Variants in GDAP2 observed in about 807,000 individuals in gnomAD.
The protein encoded by GDAP2 is ganglioside-induced differentiation-associated protein 2.
In GDAP2, 51 loss-of-function variants were observed where a neutral mutation model predicts 67.0. That is an observed-to-expected ratio of 0.76 (90% CI 0.61 to 0.96). The LOEUF (loss-of-function observed/expected upper bound fraction) is 0.96, where lower values mean the gene tolerates loss of function less well. Ranked by LOEUF, GDAP2 falls within the 40% of genes least tolerant of loss-of-function variation. GDAP2 has a pLI of 0.00. For missense variants in GDAP2, 547 were observed against 588.3 expected (o/e 0.93, Z 0.73); for synonymous variants, 203 against 207.3 (o/e 0.98, Z 0.18).
chr1:117,903,904 T>C (rs1177879276), intron 6 of GDAP2, among the ~76,000 whole-genome samples: 1 of 152,158 alleles, frequency 6.6e-6, no homozygotes, highest in Non-Finnish European at 1.5e-5. Flanking sequence ...CTGTATAAGG[T>C]AAAATCTCAG....
chr1:117,908,444 T>C (rs1649734140), intron 5 of GDAP2, among the ~76,000 whole-genome samples: 1 of 152,154 alleles, frequency 6.6e-6, no homozygotes, highest in Admixed American at 6.5e-5. Context: ...CAAACACTCA[T>C]AACTCTCCTC....
At chr1:117,895,053 A>C (rs111532904) in intron 8 of GDAP2, among the ~76,000 whole-genome samples, 1 of 152,286 alleles carries the variant, frequency 6.6e-6, no homozygotes, top group African/African-American at 2.4e-5. Context: ...TCATGTTATA[A>C]AGTCATGCTA....
chr1:117,870,060 C>T lies in GDAP2; in HGVS notation c.*509G>A, dbSNP rs942878555. On this transcript the variant is annotated 3_prime_UTR_variant, in exon 14 of 14. Transcript: ENST00000369443. Reference sequence around the variant, plus strand: ...TTTTTGTCAGATACATTTCCACATTCTTGGACTCAGGTAATTCTCTTTTAA... The same window carrying T: ...TTTTTGTCAGATACATTTCCACATTTTTGGACTCAGGTAATTCTCTTTTAA... 10 of 152,616 alleles carry T rather than the reference C, an allele frequency of 6.6e-5. 1 individual carries two copies. The highest frequency in any genetic ancestry group is 2.4e-4 in the African/African-American group (10 of 41,458). 9.5% of individuals were successfully genotyped at this position (152,616 alleles called of 1,614,324 possible). A position where few individuals can be genotyped will look rare whatever the true frequency, so the allele number is the denominator to read the frequency against.
At chr1:117,894,282 C>G (rs1296788207) in intron 8 of GDAP2, among the ~76,000 whole-genome samples, 7 of 152,102 alleles carry the variant, frequency 4.6e-5, no homozygotes, top group Non-Finnish European at 8.8e-5. Flanking sequence ...CATGAGCCAC[C>G]ATGTCTGGCC....
intron 13 of GDAP2, among the ~76,000 whole-genome samples, chr1:117,872,457 T>TA (rs1485948561): frequency 3.3e-5 from 5 of 152,106 alleles, no homozygotes; most frequent in Admixed American, 3.3e-4. Context: ...CCATCAATGA[T>TA]AGACTAGATA....
intron 13 of GDAP2, among the ~76,000 whole-genome samples, chr1:117,876,221 G>A (rs1199203518): frequency 6.6e-6 from 1 of 152,064 alleles, no homozygotes; most frequent in Non-Finnish European, 1.5e-5. Context: ...GTAAGTCCTT[G>A]CTCTATTAGT....
chr1:117,914,133 A>G (rs1649963621), intron 3 of GDAP2, among the ~76,000 whole-genome samples: 1 of 152,210 alleles, frequency 6.6e-6, no homozygotes, highest in African/African-American at 2.4e-5. Flanking sequence ...TGAACTTTTC[A>G]GTTCTTCCAT....
intron 13 of GDAP2, among the ~76,000 whole-genome samples, chr1:117,872,313 C>A (rs111937226): frequency 1.3e-5 from 2 of 152,096 alleles, no homozygotes; most frequent in African/African-American, 4.8e-5. Context: ...CCACAAATAC[C>A]ATTTGACCCA....
At chr1:117,892,857 T>C (rs1450870066) in intron 8 of GDAP2, among the ~76,000 whole-genome samples, 1 of 152,206 alleles carries the variant, frequency 6.6e-6, no homozygotes, top group Non-Finnish European at 1.5e-5. Context: ...GGGAAAATTC[T>C]GTCTTTGGAA....
intron 8 of GDAP2, among the ~76,000 whole-genome samples, chr1:117,895,877 C>T (rs754122227): frequency 1.3e-5 from 2 of 152,038 alleles, no homozygotes; most frequent in African/African-American, 2.4e-5. Flanking sequence ...TACAATACAG[C>T]GTGAAAAATG....
chr1:117,916,384 C>A (rs571936913), intron 3 of GDAP2, among the ~76,000 whole-genome samples: 1 of 152,210 alleles, frequency 6.6e-6, no homozygotes, highest in South Asian at 2.1e-4. Flanking sequence ...ATGGGATAAG[C>A]CTGGAGAAAA....
At chr1:117,896,461 A>T (rs1478880447) in intron 8 of GDAP2, among the ~76,000 whole-genome samples, 4 of 152,222 alleles carry the variant, frequency 2.6e-5, no homozygotes, top group Non-Finnish European at 5.9e-5. Flanking sequence ...ATTCAACTGT[A>T]GATTATGCTT....
At position 117,898,237 on chromosome 1, in the gene GDAP2, A is replaced by G. The variant is rs569131014; in HGVS notation, c.796+820T>C. 2.0e-5 allele frequency among the ~76,000 whole-genome samples: 3 copies of G among 152,318 alleles called. No individual in the cohort carries two copies. The South Asian group carries it at 6.2e-4, about 32-fold the overall frequency. On this transcript the variant is annotated intron_variant, in intron 7 of 13. Coordinates refer to ENST00000369443, the MANE Select transcript of GDAP2 (RefSeq NM_017686.4). The stretch of plus-strand genomic sequence containing the variant: ...TGAGGATTTCAAAACAACTCTTTGC[A>G]TTATTTCAAGGATATACTATACTGG...
At position 117,867,275 on chromosome 1, in the gene GDAP2, G is replaced by T. The variant is rs1435280774; in HGVS notation, c.*3294C>A. ...GACTATACTTATCCCTCTTTAAAAA[G>T]AAGTGATATTTTCAATTTCAGAAAT... On this transcript the variant is annotated 3_prime_UTR_variant, in exon 14 of 14. Coordinates refer to ENST00000369443, the MANE Select transcript of GDAP2 (RefSeq NM_017686.4). The T allele has an allele frequency of 6.6e-6, 1 of 151,986 alleles. No homozygotes were observed. The highest frequency in any genetic ancestry group is 2.4e-5 in the African/African-American group (1 of 41,386). The allele number at this position is 151,986 out of a possible 1,614,324, so 9.4% of individuals were successfully genotyped here.
chr1:117,914,696 A>C (rs1396657877), intron 3 of GDAP2, among the ~76,000 whole-genome samples: 1 of 152,182 alleles, frequency 6.6e-6, no homozygotes, highest in Admixed American at 6.5e-5. Context: ...AGTAACATAC[A>C]AACAATCAGG....
In GDAP2 at chr1:117,878,166, G is replaced by A. The variant is rs1648529872; in HGVS notation, c.1303-14C>T. 2.1e-6 allele frequency: 3 copies of A among 1,421,558 alleles called. No homozygotes were observed. The highest frequency in any genetic ancestry group is 1.3e-5 in the South Asian group (1 of 74,636). The allele number at this position is 1,421,558 out of a possible 1,614,324, so 88.1% of individuals were successfully genotyped here. On this transcript the variant is annotated splice_polypyrimidine_tract_variant and intron_variant, in intron 12 of 13. Coordinates refer to ENST00000369443, the MANE Select transcript of GDAP2 (RefSeq NM_017686.4). The stretch of plus-strand genomic sequence containing the variant: ...CCATGTTGACACCTGATTAATAGAA[G>A]AGAAAAAATAATTTAAGCTAGTTGC...
intron 13 of GDAP2, among the ~76,000 whole-genome samples, chr1:117,871,024 C>G (rs1648240149): frequency 6.6e-6 from 1 of 152,150 alleles, no homozygotes; most frequent in Non-Finnish European, 1.5e-5. Context: ...AATTTAAATT[C>G]AAATCTATTT....
chr1:117,887,687 T>C lies in GDAP2; in HGVS notation c.1030+11A>G. 1 of 1,347,830 alleles carries C rather than the reference T, an allele frequency of 7.4e-7. No homozygotes were observed. Among genetic ancestry groups the C allele is most frequent in the Non-Finnish European group, 1.1e-6 (1 of 937,386 alleles). 83.5% of individuals were successfully genotyped at this position (1,347,830 alleles called of 1,614,324 possible). A position where few individuals can be genotyped will look rare whatever the true frequency, so the allele number is the denominator to read the frequency against. On this transcript the variant is annotated intron_variant, in intron 9 of 13. Transcript: ENST00000369443. ...TAGTGAAAGAATAAGTTACCATATATTTAAGCTCACCTGTTTGGTATAAGG... is the reference window on the plus strand; with the variant it reads ...TAGTGAAAGAATAAGTTACCATATACTTAAGCTCACCTGTTTGGTATAAGG...
chr1:117,919,560 T>TG (rs1650169500), intron 2 of GDAP2, among the ~76,000 whole-genome samples: 1 of 151,508 alleles, frequency 6.6e-6, no homozygotes, highest in South Asian at 2.1e-4. Flanking sequence ...TAAGGAAAAA[T>TG]GGGGAGTGAC....
Sources: gnomAD v4.1 joint callset for allele counts (sites outside exome capture counted in the v4.1 genomes callset) on GRCh38, gnomAD v4.1.1 for gene constraint, MANE v1.5 for transcripts, NCBI Gene and HGNC (gene_info 2026-07-23, HGNC 2026-07-21) for gene names.